TENM3: variants seen among roughly 807,000 people sequenced by gnomAD.
The protein encoded by TENM3 is teneurin-3.
Under a neutral mutation model 255.1 loss-of-function variants are expected in TENM3, and 63 were observed. That is an observed-to-expected ratio of 0.25 (90% confidence interval 0.20 to 0.30). The LOEUF is 0.30. TENM3 is among the 10% of genes least tolerant of loss of function. The pLI is 1.00. For synonymous variants in TENM3, 1,306 were observed against 1,322.3 expected, an observed-to-expected ratio of 0.99 and a Z score of 0.27; for missense variants, 2,929 against 3,461.1, an observed-to-expected ratio of 0.85 and a Z score of 3.86.
chr4:181,469,857 T>C, the TENM3 span, among the ~76,000 whole-genome samples: 106,594 of 151,832 alleles, frequency 0.7, 37,770 homozygotes, highest in Non-Finnish European at 0.74. Flanking sequence ...GCCTTTAAAA[T>C]ATCACTTAAT....
chr4:182,380,311 T>A (rs1019464530), intron 3 of TENM3, among the ~76,000 whole-genome samples: 1 of 151,912 alleles, frequency 6.6e-6, no homozygotes, highest in Non-Finnish European at 1.5e-5. Context: ...AAAGAACTAG[T>A]GCAGCCATTC....
intron 1 of TENM3, chr4:182,190,446 C>T (rs1232452051): frequency 2.0e-5 from 3 of 152,200 alleles, no homozygotes; most frequent in African/African-American, 7.2e-5. Context: ...TCTGGCTCCT[C>T]ATTCAGTGAG....
At chr4:182,414,388 G>A (rs11931650) in intron 3 of TENM3, among the ~76,000 whole-genome samples, 81 of 152,078 alleles carry the variant, frequency 5.3e-4, no homozygotes, top group African/African-American at 1.9e-3. Context: ...TATTTGGAAG[G>A]GGATACTGTG....
At chr4:181,559,240 C>A in the TENM3 span, among the ~76,000 whole-genome samples, 1 of 152,026 alleles carries the variant, frequency 6.6e-6, no homozygotes, top group Non-Finnish European at 1.5e-5. Context: ...CTGATAATCT[C>A]CTGATTATTC....
the TENM3 span, among the ~76,000 whole-genome samples, chr4:181,731,409 A>T: frequency 5.9e-5 from 9 of 152,150 alleles, no homozygotes; most frequent in Non-Finnish European, 2.9e-5. Flanking sequence ...GCTGGAGTGC[A>T]GTGGTGATCC....
At chr4:181,654,373 T>A in the TENM3 span, among the ~76,000 whole-genome samples, 2 of 152,026 alleles carry the variant, frequency 1.3e-5, no homozygotes, top group East Asian at 3.9e-4. Context: ...AGGAAAAGAA[T>A]ATTCCAGGAT....
At chr4:182,590,538 C>CA (rs34681777) in intron 3 of TENM3, among the ~76,000 whole-genome samples, 1,192 of 79,628 alleles carry the variant, frequency 0.015, 31 homozygotes, top group African/African-American at 0.043. Context: ...GACCCTGTCT[C>CA]AAAAAAAAAA....
the TENM3 span, among the ~76,000 whole-genome samples, chr4:181,798,127 CTT>C: frequency 6.8e-6 from 1 of 147,346 alleles, no homozygotes; most frequent in East Asian, 2.0e-4. Flanking sequence ...ATAGTTTTGT[CTT>C]TTTTACTCTT....
intron 1 of TENM3, among the ~76,000 whole-genome samples, chr4:182,206,518 C>A (rs1754589188): frequency 6.6e-6 from 1 of 152,164 alleles, no homozygotes; most frequent in East Asian, 1.9e-4. Context: ...ACCCGCTTAC[C>A]TAACCCCTAT....
At chr4:182,315,980 T>C (rs1762728934) in intron 1 of TENM3, among the ~76,000 whole-genome samples, 2 of 152,340 alleles carry the variant, frequency 1.3e-5, no homozygotes, top group South Asian at 4.1e-4. Flanking sequence ...TTTTTGATTG[T>C]ATGGGATGCA....
At chr4:181,949,882 T>C in the TENM3 span, among the ~76,000 whole-genome samples, 6 of 152,054 alleles carry the variant, frequency 3.9e-5, no homozygotes, top group Non-Finnish European at 5.9e-5. Flanking sequence ...CACTTGTTGT[T>C]CCTCTCCCTC....
chr4:182,446,804 T>C (rs1772951069), intron 3 of TENM3, among the ~76,000 whole-genome samples: 1 of 152,134 alleles, frequency 6.6e-6, no homozygotes, highest in Non-Finnish European at 1.5e-5. Flanking sequence ...ATTTAATTCT[T>C]CAAAGATTCC....
the TENM3 span, among the ~76,000 whole-genome samples, chr4:182,124,685 G>A: frequency 2.0e-4 from 30 of 152,196 alleles, no homozygotes; most frequent in Non-Finnish European, 8.8e-5. Context: ...GTGTGCAGGC[G>A]GAGAAAGTGA....
chr4:181,967,320 T>C, the TENM3 span, among the ~76,000 whole-genome samples: 2 of 152,184 alleles, frequency 1.3e-5, no homozygotes, highest in Non-Finnish European at 2.9e-5. Context: ...CAGCTTACTC[T>C]GCTGCAAAAT....
the TENM3 span, among the ~76,000 whole-genome samples, chr4:181,520,164 T>C: frequency 6.6e-6 from 1 of 152,192 alleles, no homozygotes; most frequent in African/African-American, 2.4e-5. Flanking sequence ...AGATAAACTC[T>C]GAGAAGCCAT....
chr4:181,525,689 C>T, the TENM3 span, among the ~76,000 whole-genome samples: 1 of 152,154 alleles, frequency 6.6e-6, no homozygotes, highest in African/African-American at 2.4e-5. Context: ...ATTGTATAGA[C>T]ATTTTAGAAC....
At chr4:181,725,769 C>T in the TENM3 span, among the ~76,000 whole-genome samples, 2 of 152,074 alleles carry the variant, frequency 1.3e-5, no homozygotes, top group Non-Finnish European at 2.9e-5. Context: ...ATGATTTATT[C>T]TTTGTCCCTT....
chr4:182,537,582 C>T (rs1310754752), intron 3 of TENM3, among the ~76,000 whole-genome samples: 1 of 152,200 alleles, frequency 6.6e-6, no homozygotes, highest in East Asian at 1.9e-4. Context: ...AAATGCTTAA[C>T]ATTTGCATGT....
At chr4:182,358,809 G>C (rs1765744022) in intron 3 of TENM3, among the ~76,000 whole-genome samples, 1 of 148,268 alleles carries the variant, frequency 6.7e-6, no homozygotes, top group African/African-American at 2.5e-5. Flanking sequence ...TTTTCAAAGG[G>C]AATGCTTCCA....
Sources: gnomAD v4.1 joint callset for allele counts (sites outside exome capture counted in the v4.1 genomes callset) on GRCh38, gnomAD v4.1.1 for gene constraint, MANE v1.5 for transcripts, NCBI Gene and HGNC (gene_info 2026-07-23, HGNC 2026-07-21) for gene names.